CUX2: variants seen among roughly 807,000 people sequenced by gnomAD.
CUX2 encodes cut like homeobox 2.
Under a neutral mutation model 144.8 loss-of-function variants are expected in CUX2, and 40 were observed. The observed-to-expected ratio is 0.28, with a 90% CI of 0.21 to 0.36. The LOEUF is 0.36. Ranked by LOEUF, CUX2 falls within the 10% of genes least tolerant of loss-of-function variation. CUX2 has a pLI of 1.00. For synonymous variants in CUX2, 827 were observed against 875.6 expected (o/e 0.94, Z 0.98); for missense variants, 1,615 against 1,994.0 (o/e 0.81, Z 3.62).
intron 1 of CUX2, chr12:111,100,032 T>C (rs908453685): frequency 2.6e-5 from 12 of 456,926 alleles, no homozygotes; most frequent in Middle Eastern, 6.5e-4. Flanking sequence ...CCGGTGGTGC[T>C]GCTGACGGGC....
At chr12:111,065,312 G>A (rs1186964953) in intron 1 of CUX2, among the ~76,000 whole-genome samples, 1 of 152,228 alleles carries the variant, frequency 6.6e-6, no homozygotes, top group East Asian at 1.9e-4. Context: ...TGGCCTACAG[G>A]TCACTGTTTG....
chr12:111,179,789 G>A (rs1252081762), intron 1 of CUX2, among the ~76,000 whole-genome samples: 1 of 151,876 alleles, frequency 6.6e-6, no homozygotes, highest in Non-Finnish European at 1.5e-5. Context: ...TGGTTCTCCT[G>A]CCTCAGCCTC....
intron 1 of CUX2, among the ~76,000 whole-genome samples, chr12:111,067,111 T>G (rs1360097511): frequency 5.3e-5 from 8 of 152,200 alleles, no homozygotes; most frequent in Admixed American, 2.0e-4. Flanking sequence ...GTAGCAGCCC[T>G]GCACCCCACC....
chr12:111,108,765 CTCTT>C (rs1490621496), intron 1 of CUX2, among the ~76,000 whole-genome samples: 2 of 151,662 alleles, frequency 1.3e-5, no homozygotes, highest in African/African-American at 4.9e-5. Context: ...CCCTCTCTCT[CTCTT>C]TTTTTGCAAC....
In CUX2 at chr12:111,304,136, C is replaced by A; in HGVS notation, c.754-74C>A. 1 of 1,262,656 alleles carries A rather than the reference C, an allele frequency of 7.9e-7. No individual in the cohort carries two copies. The highest frequency in any genetic ancestry group is 1.1e-6 in the Non-Finnish European group (1 of 885,272). 78.2% of individuals were successfully genotyped at this position (1,262,656 alleles called of 1,614,324 possible). A position where few individuals can be genotyped will look rare whatever the true frequency, so the allele number is the denominator to read the frequency against. On this transcript the variant is annotated intron_variant, in intron 9 of 21. Coordinates refer to ENST00000261726, the MANE Select transcript of CUX2 (RefSeq NM_015267.4). This position sits in a 1 kb window ranked among gnomAD's most constrained non-coding sequence, Gnocchi z 4.7. ...GGAGGTCTGCCTCCCCAACCCCTGC[C>A]TGAAACAGTGCAGGGAGAAGGTGGA...
rs765457130 is a variant in CUX2 at position 111,348,021 on chromosome 12, CCTCACG to C, written c.4160_4165del (p.Ser1387_Arg1388del). On this transcript the variant is annotated inframe_deletion, in exon 22 of 22. Coordinates refer to ENST00000261726, the MANE Select transcript of CUX2 (RefSeq NM_015267.4). ...TTAAGTTTTAAGTCAGCCTCAGAGTCCTCACGCTGCAGCCTGGAGGTGTCACTGAAC... is the reference window on the plus strand; with the variant it reads ...TTAAGTTTTAAGTCAGCCTCAGAGTCCTGCAGCCTGGAGGTGTCACTGAAC... 19 of 1,614,140 alleles carry C rather than the reference CCTCACG, an allele frequency of 1.2e-5. No homozygotes were observed. In the South Asian group the frequency reaches 2.0e-4, roughly 17 times the overall value.
At chr12:111,198,666 G>T (rs1247681043) in intron 1 of CUX2, among the ~76,000 whole-genome samples, 1 of 152,346 alleles carries the variant, frequency 6.6e-6, no homozygotes, top group African/African-American at 2.4e-5. Flanking sequence ...AAGGAGGAAG[G>T]AGAAAGTGGA....
In CUX2 at chr12:111,134,620, C is replaced by CTCTGTGTG. The variant is rs1026548098; in HGVS notation, c.64-79579_64-79578insCTGTGTGT. Among the ~76,000 whole-genome samples the CTCTGTGTG allele has an allele frequency of 4.8e-3, 676 of 142,176 alleles. 6 individuals carry two copies. Among genetic ancestry groups the CTCTGTGTG allele is most frequent in the African/African-American group, 0.017 (626 of 36,080 alleles). The allele number at this position is 142,176 out of a possible 152,430, so 93.3% of individuals were successfully genotyped here. ...TCTCTCTCTCTCTCTCTCTCTCTCT[C>CTCTGTGTG]TGTGTGTGTGTGTGTGTGTGTGTGT... On this transcript the variant is annotated intron_variant, in intron 1 of 21. Transcript: ENST00000261726.
chr12:111,128,460 G>A (rs973860693), intron 1 of CUX2, among the ~76,000 whole-genome samples: 2 of 152,218 alleles, frequency 1.3e-5, no homozygotes, highest in Admixed American at 1.3e-4. Flanking sequence ...CAGGAATGGG[G>A]ACCATGGGCA....
chr12:111,201,307 G>A (rs1051309215), intron 1 of CUX2, among the ~76,000 whole-genome samples: 1 of 152,154 alleles, frequency 6.6e-6, no homozygotes, highest in Non-Finnish European at 1.5e-5. Flanking sequence ...CCCTGCAGCT[G>A]CCTGGAGGTG....
At chr12:111,256,597 C>T (rs1351284318) in intron 3 of CUX2, among the ~76,000 whole-genome samples, 1 of 152,164 alleles carries the variant, frequency 6.6e-6, no homozygotes, top group East Asian at 1.9e-4. Flanking sequence ...GTTGTGCAGT[C>T]TCGATGGCAG....
chr12:111,150,786 G>A (rs1876999557), intron 1 of CUX2, among the ~76,000 whole-genome samples: 1 of 152,156 alleles, frequency 6.6e-6, no homozygotes, highest in Non-Finnish European at 1.5e-5. Flanking sequence ...GTGGAGGCCA[G>A]GGAGGAAAAT....
chr12:111,076,064 C>T lies in CUX2; in HGVS notation c.63+41824C>T, dbSNP rs1276694360. On this transcript the variant is annotated intron_variant, in intron 1 of 21. Transcript: ENST00000261726. ...TTGAAGTCACACAGCTAGTCAGTGG[C>T]AAAGCTAGAATTTGAACTCAGGACT... 2.0e-5 allele frequency among the ~76,000 whole-genome samples: 3 copies of T among 152,198 alleles called. No homozygotes were observed. The East Asian group carries it at 5.8e-4, about 29-fold the overall frequency.
chr12:111,242,338 G>A (rs985780336), intron 3 of CUX2, among the ~76,000 whole-genome samples: 4 of 152,214 alleles, frequency 2.6e-5, no homozygotes, highest in African/African-American at 7.2e-5. Flanking sequence ...ATTATAGCCC[G>A]TGGGCCAAAT....
At chr12:111,239,618 A>G (rs1314145692) in intron 3 of CUX2, among the ~76,000 whole-genome samples, 2 of 152,224 alleles carry the variant, frequency 1.3e-5, no homozygotes, top group African/African-American at 4.8e-5. Context: ...AAAATGGCCA[A>G]TTCCCTTTGA....
chr12:111,065,953 C>A (rs1009279293), intron 1 of CUX2, among the ~76,000 whole-genome samples: 2 of 152,196 alleles, frequency 1.3e-5, no homozygotes, highest in Non-Finnish European at 2.9e-5. Flanking sequence ...AACTCCAAAC[C>A]CATGCGAGTG....
At chr12:111,069,674 T>A (rs1871181039) in intron 1 of CUX2, among the ~76,000 whole-genome samples, 2 of 152,150 alleles carry the variant, frequency 1.3e-5, no homozygotes. Context: ...CTTCTCCCTG[T>A]GTCTTCACAT....
chr12:111,224,799 T>C (rs185270816), intron 3 of CUX2, among the ~76,000 whole-genome samples: 6 of 152,230 alleles, frequency 3.9e-5, no homozygotes, highest in Admixed American at 1.3e-4. Context: ...CTGTGGGTTT[T>C]AGGGCCAAAT....
rs114067414 is a variant in CUX2, at chr12:111,229,247, G to T, written c.222+11310G>T. On this transcript the variant is annotated intron_variant, in intron 3 of 21. Transcript: ENST00000261726. Reference sequence around the variant, plus strand: ...CTCTTGGCCTAGCTCAGAGGCAGAGGGGCTGGACTGCGTGACCCCCTAGGG... The same window carrying T: ...CTCTTGGCCTAGCTCAGAGGCAGAGTGGCTGGACTGCGTGACCCCCTAGGG... Among the ~76,000 whole-genome samples, 453 of 152,310 alleles carry T rather than the reference G, an allele frequency of 3.0e-3. 2 individuals are homozygous for T. The highest frequency in any genetic ancestry group is 5.3e-3 in the Admixed American group (81 of 15,306).
Sources: allele counts gnomAD v4.1 joint callset (sites outside exome capture counted in the v4.1 genomes callset), GRCh38; gene constraint gnomAD v4.1.1; non-coding constraint Gnocchi (gnomAD v3.1); transcripts MANE v1.5; gene names NCBI Gene and HGNC (gene_info 2026-07-23, HGNC 2026-07-21).